The following PCCA variants were observed in gnomAD, a reference collection of about 807,000 sequenced individuals.
The protein encoded by PCCA is propionyl-CoA carboxylase alpha chain, mitochondrial.
Under a neutral mutation model 101.3 loss-of-function variants are expected in PCCA, and 74 were observed. That is an observed-to-expected ratio of 0.73 (90% CI 0.61 to 0.89). The LOEUF (loss-of-function observed/expected upper bound fraction) is 0.89, where lower values mean the gene tolerates loss of function less well. Ranked by LOEUF, PCCA falls within the 40% of genes least tolerant of loss-of-function variation. PCCA has a pLI of 0.00. For missense variants in PCCA, 891 were observed against 907.0 expected (o/e 0.98, Z 0.23); for synonymous variants, 294 against 313.6 (o/e 0.94, Z 0.66).
chr13:100,300,862 C>T (rs1294196843), intron 12 of PCCA, among the ~76,000 whole-genome samples: 1 of 152,234 alleles, frequency 6.6e-6, no homozygotes, highest in African/African-American at 2.4e-5. Context: ...GCAGAGCGAT[C>T]GCACTGGCTC....
chr13:100,400,640 T>TG (rs1032233454), intron 19 of PCCA, among the ~76,000 whole-genome samples: 2 of 145,124 alleles, frequency 1.4e-5, no homozygotes, highest in Non-Finnish European at 3.0e-5. Context: ...CTTTTTTTTT[T>TG]TTTTTTTGAG....
chr13:100,203,322 T>C (rs2058652092), intron 6 of PCCA, among the ~76,000 whole-genome samples: 1 of 151,838 alleles, frequency 6.6e-6, no homozygotes, highest in South Asian at 2.1e-4. Context: ...TCTATTGTAT[T>C]GGTATGTTTT....
chr13:100,108,667 T>A (rs1030753265), intron 2 of PCCA, among the ~76,000 whole-genome samples: 3 of 152,254 alleles, frequency 2.0e-5, no homozygotes, highest in African/African-American at 7.2e-5. Context: ...GTTGTGTTTG[T>A]GCCATATTTT....
At chr13:100,099,703 A>G (rs1351239507) in intron 1 of PCCA, among the ~76,000 whole-genome samples, 4 of 152,024 alleles carry the variant, frequency 2.6e-5, no homozygotes, top group Non-Finnish European at 4.4e-5. Flanking sequence ...GAAGGCATGC[A>G]TCCAGTTTGT....
intron 8 of PCCA, among the ~76,000 whole-genome samples, chr13:100,254,330 A>G (rs1369651112): frequency 1.3e-5 from 2 of 152,198 alleles, no homozygotes; most frequent in Non-Finnish European, 2.9e-5. Context: ...TTTCAAACAT[A>G]TGTCAGCTGA....
intron 4 of PCCA, among the ~76,000 whole-genome samples, chr13:100,132,830 G>A (rs1236445915): frequency 1.3e-5 from 2 of 151,982 alleles, no homozygotes; most frequent in Non-Finnish European, 2.9e-5. Context: ...CTAGAGTGTA[G>A]TGGCACCATC....
chr13:100,096,859 A>G (rs1215824489), intron 1 of PCCA, among the ~76,000 whole-genome samples: 1 of 152,190 alleles, frequency 6.6e-6, no homozygotes, highest in Non-Finnish European at 1.5e-5. Flanking sequence ...GCTGCAGAAG[A>G]AAACTTGGAA....
chr13:100,473,990 G>A (rs1018749867), intron 21 of PCCA, among the ~76,000 whole-genome samples: 1 of 152,174 alleles, frequency 6.6e-6, no homozygotes, highest in Non-Finnish European at 1.5e-5. Context: ...AAATGCAGAT[G>A]CTTTTCAATT....
intron 19 of PCCA, among the ~76,000 whole-genome samples, chr13:100,386,537 A>G (rs1287374836): frequency 6.6e-6 from 1 of 152,092 alleles, no homozygotes; most frequent in African/African-American, 2.4e-5. Flanking sequence ...GCCTGCCACC[A>G]TGCCTGGCTA....
chr13:100,507,375 C>T (rs752770322), intron 21 of PCCA, among the ~76,000 whole-genome samples: 11 of 152,276 alleles, frequency 7.2e-5, no homozygotes, highest in South Asian at 4.1e-4. Context: ...GGCACTATGG[C>T]GCCACACTCC....
intron 21 of PCCA, among the ~76,000 whole-genome samples, chr13:100,511,177 T>C (rs1314969727): frequency 1.3e-5 from 2 of 152,270 alleles, no homozygotes; most frequent in Non-Finnish European, 2.9e-5. Flanking sequence ...CTGAACTGTT[T>C]TAACTCATAT....
At chr13:100,151,366 C>T (rs111285261) in intron 4 of PCCA, among the ~76,000 whole-genome samples, 201 of 152,132 alleles carry the variant, frequency 1.3e-3, no homozygotes, top group African/African-American at 4.5e-3. Context: ...CTGAGGTAGG[C>T]GGATCACCTG....
chr13:100,104,966 G>A (rs1016082316), intron 2 of PCCA, among the ~76,000 whole-genome samples: 1 of 152,046 alleles, frequency 6.6e-6, no homozygotes, highest in African/African-American at 2.4e-5. Flanking sequence ...GCCTCCCAAA[G>A]TGTTGGGATT....
chr13:100,267,812 T>C (rs987643612), intron 10 of PCCA, among the ~76,000 whole-genome samples: 7 of 152,336 alleles, frequency 4.6e-5, no homozygotes, highest in African/African-American at 1.7e-4. Context: ...TTAAAATCAC[T>C]GTTCCATGTA....
intron 18 of PCCA, among the ~76,000 whole-genome samples, chr13:100,357,839 C>T (rs756765033): frequency 1.3e-5 from 2 of 152,074 alleles, no homozygotes; most frequent in African/African-American, 4.8e-5. Flanking sequence ...GGAAATTAAG[C>T]AGGGATATCA....
intron 4 of PCCA, among the ~76,000 whole-genome samples, chr13:100,123,612 A>G (rs1405964349): frequency 6.8e-6 from 1 of 146,848 alleles, no homozygotes; most frequent in Middle Eastern, 3.2e-3. Context: ...TTTCTATTAA[A>G]TCCTAATATA....
intron 6 of PCCA, among the ~76,000 whole-genome samples, chr13:100,190,712 A>G (rs2057682241): frequency 6.6e-6 from 1 of 152,104 alleles, no homozygotes; most frequent in African/African-American, 2.4e-5. Flanking sequence ...CTGTTATGCT[A>G]GCACTTTGGG....
At chr13:100,524,036 TTGGGCCCAC>T (rs1261851334) in intron 22 of PCCA, among the ~76,000 whole-genome samples, 2 of 152,336 alleles carry the variant, frequency 1.3e-5, no homozygotes, top group Non-Finnish European at 2.9e-5. Flanking sequence ...GTTGCTTCCA[TTGGGCCCAC>T]TGCCCAGCTC....
intron 20 of PCCA, among the ~76,000 whole-genome samples, chr13:100,438,928 A>G (rs1441350213): frequency 6.6e-6 from 1 of 152,248 alleles, no homozygotes; most frequent in Non-Finnish European, 1.5e-5. Context: ...TGGCATTAAT[A>G]CAACAGTATC....
Sources: allele counts gnomAD v4.1 joint callset (sites outside exome capture counted in the v4.1 genomes callset), GRCh38; gene constraint gnomAD v4.1.1; transcripts MANE v1.5; gene names NCBI Gene and HGNC (gene_info 2026-07-23, HGNC 2026-07-21).